The following IQCJ variants were observed in gnomAD, a reference collection of about 807,000 sequenced individuals.
IQCJ encodes the protein IQ domain-containing protein J.
A neutral mutation model predicts 11.0 loss-of-function variants in IQCJ; 9 were observed. That is an observed-to-expected ratio of 0.82 (90% CI 0.49 to 1.43). The LOEUF (loss-of-function observed/expected upper bound fraction) is 1.43. Among genes scored for constraint, IQCJ ranks in the 40% most tolerant of loss-of-function variants. The pLI is 0.00. For synonymous variants in IQCJ, 55 were observed against 51.3 expected (o/e 1.07, Z -0.31); for missense variants, 146 against 133.2 (o/e 1.10, Z -0.47).
chr3:159,210,159 C>G (rs1181263494), intron 1 of IQCJ, among the ~76,000 whole-genome samples: 1 of 152,062 alleles, frequency 6.6e-6, no homozygotes, highest in Admixed American at 6.5e-5. Flanking sequence ...CCAGTGCAGA[C>G]AAAAAGGAGT....
chr3:159,257,539 C>T lies in IQCJ; in HGVS notation c.155+4732C>T, dbSNP rs140733887. ...TCATCCATCAGTGTGGCAGTGAAGT[C>T]GAGAGCTACAAACCGGGCGGATACT... On this transcript the variant is annotated intron_variant, in intron 3 of 3. Transcript: ENST00000397832. Among the ~76,000 whole-genome samples the T allele has an allele frequency of 5.9e-3, 895 of 152,150 alleles. 7 individuals carry two copies. Among genetic ancestry groups the T allele is most frequent in the African/African-American group, 0.02 (826 of 41,510 alleles).
intron 1 of IQCJ, among the ~76,000 whole-genome samples, chr3:159,234,144 C>G (rs912556903): frequency 6.6e-6 from 1 of 152,132 alleles, no homozygotes; most frequent in Admixed American, 6.5e-5. Flanking sequence ...TGCTATAAGA[C>G]CTTGGACAAG....
intron 1 of IQCJ, among the ~76,000 whole-genome samples, chr3:159,222,292 T>A (rs1725596963): frequency 6.6e-6 from 1 of 152,150 alleles, no homozygotes. Flanking sequence ...GTTCTACACA[T>A]ACGCATGAAA....
intron 1 of IQCJ, among the ~76,000 whole-genome samples, chr3:159,213,728 A>G (rs1289774982): frequency 6.6e-6 from 1 of 152,204 alleles, no homozygotes; most frequent in Non-Finnish European, 1.5e-5. Context: ...TGGACCCCAA[A>G]TATTAACTTA....
intron 1 of IQCJ, among the ~76,000 whole-genome samples, chr3:159,089,071 A>C (rs933161853): frequency 5.5e-4 from 83 of 151,954 alleles, no homozygotes; most frequent in Admixed American, 1.4e-3. Context: ...TTGTTCCTTT[A>C]CATGTTTAGT....
intron 1 of IQCJ, among the ~76,000 whole-genome samples, chr3:159,195,367 A>T (rs1458649600): frequency 1.3e-5 from 2 of 152,114 alleles, no homozygotes; most frequent in Non-Finnish European, 1.5e-5. Context: ...CCAAGAGAGG[A>T]GATGGGGGTA....
At chr3:159,188,574 G>A (rs572609352) in intron 1 of IQCJ, among the ~76,000 whole-genome samples, 27 of 152,146 alleles carry the variant, frequency 1.8e-4, no homozygotes, top group African/African-American at 4.8e-4. Context: ...ACATTTTATG[G>A]TACTTTTGTT....
chr3:159,242,294 A>G (rs150572902), intron 1 of IQCJ, among the ~76,000 whole-genome samples: 2 of 152,296 alleles, frequency 1.3e-5, no homozygotes, highest in African/African-American at 4.8e-5. Flanking sequence ...AGAAAACATC[A>G]CTTATCTATA....
intron 1 of IQCJ, among the ~76,000 whole-genome samples, chr3:159,117,912 T>A (rs1340618041): frequency 6.6e-6 from 1 of 152,202 alleles, no homozygotes; most frequent in Non-Finnish European, 1.5e-5. Context: ...TCCACATGCA[T>A]CATTTCACTT....
intron 1 of IQCJ, among the ~76,000 whole-genome samples, chr3:159,092,957 T>C (rs1156444024): frequency 6.6e-6 from 1 of 151,718 alleles, no homozygotes; most frequent in Admixed American, 6.6e-5. Flanking sequence ...ATAAAATTGG[T>C]TTAGACTGTT....
chr3:159,261,874 G>A (rs776433955), intron 3 of IQCJ, among the ~76,000 whole-genome samples: 79 of 152,330 alleles, frequency 5.2e-4, no homozygotes, highest in Non-Finnish European at 8.5e-4. Flanking sequence ...TGAGTAGTAC[G>A]TAACACTTGA....
chr3:159,244,578 T>G (rs756554124), intron 1 of IQCJ, among the ~76,000 whole-genome samples: 2 of 152,320 alleles, frequency 1.3e-5, no homozygotes, highest in South Asian at 4.1e-4. Flanking sequence ...TAGTGAGGCA[T>G]AGTTTAGTTA....
At chr3:159,208,324 C>A (rs1231662180) in intron 1 of IQCJ, among the ~76,000 whole-genome samples, 1 of 152,184 alleles carries the variant, frequency 6.6e-6, no homozygotes, top group African/African-American at 2.4e-5. Context: ...CTCTCTCCCT[C>A]TGTCGAGAGA....
intron 1 of IQCJ, among the ~76,000 whole-genome samples, chr3:159,082,036 A>G (rs1716349085): frequency 6.6e-6 from 1 of 152,000 alleles, no homozygotes; most frequent in African/African-American, 2.4e-5. Context: ...AAGGTCAGTT[A>G]TTTTTTTCAT....
At chr3:159,186,825 T>C (rs1043353124) in intron 1 of IQCJ, among the ~76,000 whole-genome samples, 1 of 152,260 alleles carries the variant, frequency 6.6e-6, no homozygotes, top group African/African-American at 2.4e-5. Flanking sequence ...ACAGCACTTT[T>C]GAACATGCTG....
intron 1 of IQCJ, among the ~76,000 whole-genome samples, chr3:159,082,251 AT>A (rs537435712): frequency 1.2e-3 from 177 of 152,268 alleles, no homozygotes; most frequent in African/African-American, 4.2e-3. Context: ...AAATTATAAC[AT>A]CAATAACAAA....
At chr3:159,197,322 C>CTG in intron 1 of IQCJ, among the ~76,000 whole-genome samples, 1 of 152,288 alleles carries the variant, frequency 6.6e-6, no homozygotes, top group East Asian at 1.9e-4. Context: ...TTTCCCACAT[C>CTG]TGTCATTTCT....
intron 1 of IQCJ, among the ~76,000 whole-genome samples, chr3:159,214,854 A>G (rs997629080): frequency 6.6e-6 from 1 of 152,130 alleles, no homozygotes; most frequent in African/African-American, 2.4e-5. Context: ...CTATGTATCT[A>G]TTATTTAAAA....
At chr3:159,205,169 C>A (rs919566292) in intron 1 of IQCJ, among the ~76,000 whole-genome samples, 15 of 152,112 alleles carry the variant, frequency 9.9e-5, no homozygotes, top group African/African-American at 3.4e-4. Context: ...TGAAAACTAC[C>A]CTCAGGTTTC....
Sources: gnomAD v4.1 joint callset for allele counts (sites outside exome capture counted in the v4.1 genomes callset) on GRCh38, gnomAD v4.1.1 for gene constraint, MANE v1.5 for transcripts, NCBI Gene and HGNC (gene_info 2026-07-23, HGNC 2026-07-21) for gene names.